The following C13orf46 variants were observed in gnomAD, a reference collection of about 807,000 sequenced individuals.
The protein encoded by C13orf46 is chromosome 13 open reading frame 46, also known as uncharacterized protein C13orf46.
chr13:113,966,423 GATA>G (rs1194453110), intron 5 of C13orf46, among the ~76,000 whole-genome samples: 1 of 150,254 alleles, frequency 6.7e-6, no homozygotes, highest in East Asian at 2.0e-4. Flanking sequence ...ATGATGATGT[GATA>G]ATGATGGTGA....
At chr13:113,948,833 T>C (rs1003371667), downstream of C13orf46, among the ~76,000 whole-genome samples, 30 of 152,338 alleles carry the variant, frequency 2.0e-4, no homozygotes, top group East Asian at 5.8e-3. Context: ...ATACATCTGG[T>C]CTTTGTCCCC....
intron 1 of C13orf46, among the ~76,000 whole-genome samples, chr13:113,972,320 C>T (rs561553276): frequency 2.0e-5 from 3 of 152,356 alleles, no homozygotes; most frequent in Admixed American, 6.5e-5. Context: ...CTCACGCCCC[C>T]CAAATAGCAC....
intron 4 of C13orf46, among the ~76,000 whole-genome samples, chr13:113,968,038 G>A (rs966050159): frequency 6.6e-5 from 10 of 152,254 alleles, no homozygotes; most frequent in South Asian, 2.1e-4. Flanking sequence ...GGCAAGCAGC[G>A]TGTCTGGTTG....
the C13orf46 span, among the ~76,000 whole-genome samples, chr13:113,942,886 C>T: frequency 8.5e-5 from 13 of 152,314 alleles, no homozygotes; most frequent in Middle Eastern, 3.4e-3. Context: ...CCCCAGTGCC[C>T]GCCGGAGGTG....
the C13orf46 span, among the ~76,000 whole-genome samples, chr13:113,935,222 GGC>G: frequency 6.6e-6 from 1 of 152,222 alleles, no homozygotes; most frequent in Non-Finnish European, 1.5e-5. Context: ...TGGTCCCTGC[GGC>G]TGTGGCAGTG....
At chr13:113,969,327 C>T (rs892106905) in intron 2 of C13orf46, among the ~76,000 whole-genome samples, 6 of 152,262 alleles carry the variant, frequency 3.9e-5, no homozygotes, top group African/African-American at 9.6e-5. Context: ...ACTTGGCCAA[C>T]GTGAGCAGAC....
intron 5 of C13orf46, among the ~76,000 whole-genome samples, chr13:113,966,168 ATGG>A (rs1382887249): frequency 8.4e-5 from 7 of 83,804 alleles, no homozygotes; most frequent in South Asian, 4.3e-4. Flanking sequence ...GATAGTGGTG[ATGG>A]TGATGATGAT....
At chr13:113,945,681 A>T in the C13orf46 span, among the ~76,000 whole-genome samples, 1 of 90,170 alleles carries the variant, frequency 1.1e-5, no homozygotes, top group South Asian at 2.9e-4. Flanking sequence ...AGGAAAGAAA[A>T]ACAAACCAAG....
chr13:113,934,235 C>T, the C13orf46 span, among the ~76,000 whole-genome samples: 3 of 152,242 alleles, frequency 2.0e-5, no homozygotes, highest in African/African-American at 7.2e-5. Flanking sequence ...GGACACGCAC[C>T]TGCTGACAGA....
chr13:113,931,722 T>G, the C13orf46 span, among the ~76,000 whole-genome samples: 2 of 152,226 alleles, frequency 1.3e-5, no homozygotes, highest in Non-Finnish European at 2.9e-5. Context: ...CCATATTCTG[T>G]GTTAAAGAAT....
intron 1 of C13orf46, among the ~76,000 whole-genome samples, chr13:113,971,530 TTC>T (rs2052705215): frequency 6.6e-6 from 1 of 152,180 alleles, no homozygotes; most frequent in Non-Finnish European, 1.5e-5. Flanking sequence ...ACCCAGCGGA[TTC>T]TCACTGTGCT....
downstream of C13orf46, among the ~76,000 whole-genome samples, chr13:113,949,951 A>C (rs2052482470): frequency 6.6e-6 from 1 of 151,446 alleles, no homozygotes; most frequent in Admixed American, 6.6e-5. Context: ...GAATACGGTC[A>C]TCACCCCCAC....
the C13orf46 span, among the ~76,000 whole-genome samples, chr13:113,938,467 T>C: frequency 6.6e-6 from 1 of 152,160 alleles, no homozygotes; most frequent in Non-Finnish European, 1.5e-5. Context: ...CCCAGCATCT[T>C]CAAATTGCTC....
downstream of C13orf46, among the ~76,000 whole-genome samples, chr13:113,948,971 T>G (rs1234050204): frequency 1.3e-5 from 2 of 152,182 alleles, no homozygotes; most frequent in East Asian, 3.9e-4. Flanking sequence ...CAAGGTAGCT[T>G]TAGGGTGGGA....
downstream of C13orf46, among the ~76,000 whole-genome samples, chr13:113,951,502 CG>C (rs1363009453): frequency 9.7e-3 from 1,480 of 152,302 alleles, 24 homozygotes; most frequent in African/African-American, 0.034. Flanking sequence ...ACTGCCCACT[CG>C]GGGGAGATCC....
chr13:113,945,604 AGAAG>A, the C13orf46 span, among the ~76,000 whole-genome samples: 1 of 95,414 alleles, frequency 1.0e-5, no homozygotes, highest in African/African-American at 4.1e-5. Flanking sequence ...AAAGAAAGAA[AGAAG>A]AAAGAAAGAA....
At chr13:113,951,058 T>C (rs900552859), downstream of C13orf46, among the ~76,000 whole-genome samples, 43 of 152,198 alleles carry the variant, frequency 2.8e-4, no homozygotes, top group African/African-American at 1.0e-3. Context: ...GGGTTTCCCA[T>C]GGGGGCTCTC....
At chr13:113,944,321 A>C in the C13orf46 span, among the ~76,000 whole-genome samples, 1 of 151,182 alleles carries the variant, frequency 6.6e-6, no homozygotes, top group Non-Finnish European at 1.5e-5. Context: ...CCCCCCTGCC[A>C]CCCCATTCTG....
chr13:113,970,245 T>C (rs2052689838), intron 1 of C13orf46, 23 bp from the exon 2 acceptor site: 1 of 152,282 alleles, frequency 6.6e-6, no homozygotes. Flanking sequence ...GACAGAGCCG[T>C]CAGCACCATT....
Sources: gnomAD v4.1 joint callset for allele counts (sites outside exome capture counted in the v4.1 genomes callset) on GRCh38, gnomAD v4.1.1 for gene constraint, MANE v1.5 for transcripts, NCBI Gene and HGNC (gene_info 2026-07-23, HGNC 2026-07-21) for gene names.